PSMD1: variants seen among roughly 807,000 people sequenced by gnomAD.
PSMD1 encodes the protein 26S proteasome non-ATPase regulatory subunit 1.
In PSMD1, 18 loss-of-function variants were observed where a neutral mutation model predicts 119.0. The ratio of observed to expected loss-of-function variants is 0.15; its 90% CI spans 0.10 to 0.22. The LOEUF is 0.22. PSMD1 is among the 10% of genes least tolerant of loss of function. The pLI is 1.00. For missense variants in PSMD1, 702 were observed against 1,158.5 expected (o/e 0.61, Z 5.72); for synonymous variants, 374 against 396.6 (o/e 0.94, Z 0.68).
At chr2:231,117,629 G>T (rs1218527252) in intron 16 of PSMD1, among the ~76,000 whole-genome samples, 1 of 152,058 alleles carries the variant, frequency 6.6e-6, no homozygotes, top group Non-Finnish European at 1.5e-5. Context: ...TTTAAATTCT[G>T]CCATGCATGA....
At chr2:231,107,269 A>G (rs1694999545) in intron 16 of PSMD1, among the ~76,000 whole-genome samples, 2 of 152,188 alleles carry the variant, frequency 1.3e-5, no homozygotes, top group African/African-American at 2.4e-5. Flanking sequence ...TCACTTATAC[A>G]CTGAGATTCT....
chr2:231,080,356 A>T, intron 12 of PSMD1, 42 bp downstream of exon 12: 1 of 1,443,940 alleles, frequency 6.9e-7, no homozygotes. Flanking sequence ...AAACTCAAGA[A>T]TCCAGGATAA....
chr2:231,121,977 T>TTGCCTG (rs376759234), intron 16 of PSMD1, among the ~76,000 whole-genome samples: 25,127 of 152,186 alleles, frequency 0.17, 2,206 homozygotes, highest in Non-Finnish European at 0.17. Flanking sequence ...TGTACAGTAT[T>TTGCCTG]TATCAAATAT....
intron 17 of PSMD1, 63 bp from the exon 18 acceptor site, chr2:231,146,177 A>C (rs1006681288): frequency 8.9e-7 from 1 of 1,124,476 alleles, no homozygotes; most frequent in Non-Finnish European, 1.4e-6. Context: ...ATGTGACTAT[A>C]AATTGAAAGT....
At chr2:231,062,736 A>T (rs1050556463) in intron 4 of PSMD1, 61 bp downstream of exon 4, 2 of 1,315,262 alleles carry the variant, frequency 1.5e-6, no homozygotes, top group African/African-American at 3.0e-5. Flanking sequence ...TGTAGTGCAC[A>T]TAGAAGCTTT....
intron 18 of PSMD1, among the ~76,000 whole-genome samples, chr2:231,148,991 G>A (rs1696311620): frequency 6.6e-6 from 1 of 152,208 alleles, no homozygotes; most frequent in African/African-American, 2.4e-5. Context: ...AAGATCAAAT[G>A]TGAATTTCAT....
chr2:231,089,442 T>C (rs1335994630), intron 16 of PSMD1, among the ~76,000 whole-genome samples: 1 of 152,158 alleles, frequency 6.6e-6, no homozygotes, highest in African/African-American at 2.4e-5. Flanking sequence ...TGGGTGACTT[T>C]AAGTTGAAGC....
chr2:231,128,234 T>C lies in PSMD1; in HGVS notation c.1884-10502T>C, dbSNP rs564790642. Among the ~76,000 whole-genome samples, 6 of 152,358 alleles carry C rather than the reference T, an allele frequency of 3.9e-5. No individual in the cohort carries two copies. In the East Asian group the frequency reaches 9.6e-4, roughly 24 times the overall value. On this transcript the variant is annotated intron_variant, in intron 16 of 24. Coordinates refer to ENST00000308696, the MANE Select transcript of PSMD1 (RefSeq NM_002807.4). ...GTGCCATATGCTCATGGAGATATAT[T>C]AATGAATAAGGTAAACATTTTCTGT...
At chr2:231,161,574 C>T in intron 20 of PSMD1, 65 bp downstream of exon 20, 1 of 1,437,740 alleles carries the variant, frequency 7.0e-7, no homozygotes, top group Non-Finnish European at 9.5e-7. Context: ...ATATTTACCG[C>T]CCACTTGCAA....
chr2:231,120,591 G>A (rs1019188388), intron 16 of PSMD1, among the ~76,000 whole-genome samples: 18 of 152,112 alleles, frequency 1.2e-4, no homozygotes, highest in African/African-American at 4.1e-4. Flanking sequence ...AATTCAAACC[G>A]TATATTGTTA....
At chr2:231,081,621 G>A (rs1263758486) in intron 12 of PSMD1, among the ~76,000 whole-genome samples, 2 of 152,228 alleles carry the variant, frequency 1.3e-5, no homozygotes, top group African/African-American at 4.8e-5. Context: ...ACTTTGGCTA[G>A]GGGAAGGTGG....
At chr2:231,100,250 T>C (rs115919369) in intron 16 of PSMD1, among the ~76,000 whole-genome samples, 268 of 152,298 alleles carry the variant, frequency 1.8e-3, no homozygotes, top group African/African-American at 6.1e-3. Context: ...AAGTTACTTC[T>C]ATAGAAGAGT....
intron 16 of PSMD1, among the ~76,000 whole-genome samples, chr2:231,106,656 C>A (rs1031777514): frequency 6.6e-6 from 1 of 152,002 alleles, no homozygotes; most frequent in Non-Finnish European, 1.5e-5. Context: ...GGAAATTTTT[C>A]TTAAGGGTTT....
In PSMD1 at chr2:231,062,731, T is replaced by G. The variant is rs1289028011; in HGVS notation, c.304+56T>G. The stretch of plus-strand genomic sequence containing the variant: ...CTTGTCGGCTTCTTTCTTGCTGTAG[T>G]GCACATAGAAGCTTTTTTCCTGAAT... On this transcript the variant is annotated intron_variant, in intron 4 of 24. Transcript: ENST00000308696. 3.0e-6 allele frequency: 4 copies of G among 1,348,556 alleles called. No homozygotes were observed. In the East Asian group the frequency reaches 1.0e-4, roughly 34 times the overall value. 83.5% of individuals were successfully genotyped at this position (1,348,556 alleles called of 1,614,324 possible).
At chr2:231,157,261 C>T (rs1219106707) in intron 19 of PSMD1, among the ~76,000 whole-genome samples, 1 of 150,296 alleles carries the variant, frequency 6.7e-6, no homozygotes, top group Non-Finnish European at 1.5e-5. Flanking sequence ...AGGAGCAATA[C>T]AAAAAAAGAA....
At chr2:231,127,644 G>A (rs763521253) in intron 16 of PSMD1, among the ~76,000 whole-genome samples, 6 of 152,160 alleles carry the variant, frequency 3.9e-5, no homozygotes, top group East Asian at 1.9e-4. Flanking sequence ...ATGAGCCACC[G>A]CACCCCACGC....
At chr2:231,075,345 G>A (rs1259525829) in intron 7 of PSMD1, among the ~76,000 whole-genome samples, 166 bp from the exon 8 acceptor site, 2 of 152,132 alleles carry the variant, frequency 1.3e-5, no homozygotes, top group African/African-American at 2.4e-5. Flanking sequence ...TTTAATAACT[G>A]GATTGCCTCC....
intron 16 of PSMD1, among the ~76,000 whole-genome samples, chr2:231,099,980 G>C (rs918851285): frequency 5.9e-5 from 9 of 152,136 alleles, no homozygotes; most frequent in Non-Finnish European, 1.0e-4. Context: ...AAGCTAGGTT[G>C]CTGGCCAGTT....
chr2:231,070,001 A>G (rs762425811), intron 5 of PSMD1, 24 bp from the exon 6 acceptor site: 3 of 1,371,126 alleles, frequency 2.2e-6, no homozygotes, highest in Admixed American at 5.5e-5. Flanking sequence ...AGATAACGTT[A>G]TATCTTTAAA....
Sources: gnomAD v4.1 joint callset for allele counts (sites outside exome capture counted in the v4.1 genomes callset) on GRCh38, gnomAD v4.1.1 for gene constraint, MANE v1.5 for transcripts, NCBI Gene and HGNC (gene_info 2026-07-23, HGNC 2026-07-21) for gene names.